Variants in F2R observed in about 807,000 individuals in gnomAD.
The protein encoded by F2R is proteinase-activated receptor 1.
A neutral mutation model predicts 18.3 loss-of-function variants in F2R; 12 were observed. The observed-to-expected ratio is 0.66, with a 90% confidence interval of 0.42 to 1.06. The LOEUF (loss-of-function observed/expected upper bound fraction) is 1.06, where lower values mean the gene tolerates loss of function less well. Among genes scored for constraint, F2R ranks in the 50% least tolerant of loss-of-function variants. The pLI, the probability that F2R is intolerant of heterozygous loss-of-function variation, is 0.00. For synonymous variants in F2R, 210 were observed against 219.9 expected (o/e 0.95, Z 0.40); for missense variants, 438 against 530.8 (o/e 0.83, Z 1.72).
chr5:76,720,806 G>A (rs570520303), intron 1 of F2R, among the ~76,000 whole-genome samples: 1 of 152,208 alleles, frequency 6.6e-6, no homozygotes, highest in African/African-American at 2.4e-5. Flanking sequence ...GTGGGTTAAA[G>A]TTGTTGTTGC....
intron 1 of F2R, 146 bp downstream of exon 1, chr5:76,716,541 CA>C: frequency 2.6e-6 from 2 of 776,056 alleles, no homozygotes; most frequent in South Asian, 3.7e-5. Flanking sequence ...GAGTTTTTTC[CA>C]GTCACGTTTA....
intron 1 of F2R, among the ~76,000 whole-genome samples, chr5:76,728,658 T>C (rs1257988792): frequency 2.0e-5 from 3 of 151,086 alleles, no homozygotes; most frequent in African/African-American, 7.3e-5. Context: ...GCAATGAACA[T>C]GAGATTGCAG....
chr5:76,716,321 G>T lies in F2R; in HGVS notation c.14G>T (p.Arg5Leu), dbSNP rs1748340957. The part of the protein sequence containing the change: MGPR[R>L]LLLVAACFSL... ...GAGCCCGGGACAATGGGGCCGCGGC[G>T]GCTGCTGCTGGTGGCCGCCTGCTTC... The change falls in exon 1 of 2, where the codon CGG becomes CTG. Residue 5 changes from arginine (R) to leucine (L), a missense_variant. Transcript: ENST00000319211. The T allele has an allele frequency of 7.1e-7, 1 of 1,417,380 alleles. No individual in the cohort carries two copies. Among genetic ancestry groups the T allele is most frequent in the Non-Finnish European group, 9.2e-7 (1 of 1,088,196 alleles). The allele number at this position is 1,417,380 out of a possible 1,614,324, so 87.8% of individuals were successfully genotyped here. A position where few individuals can be genotyped will look rare whatever the true frequency, so the allele number is the denominator to read the frequency against.
rs550098283 is a variant in F2R, at chr5:76,728,969, G to A, written c.89-3345G>A. 1.3e-3 allele frequency among the ~76,000 whole-genome samples: 205 copies of A among 152,330 alleles called. 1 individual carries two copies. The highest frequency in any genetic ancestry group is 4.5e-3 in the African/African-American group (186 of 41,572). On this transcript the variant is annotated intron_variant, in intron 1 of 1. Coordinates refer to ENST00000319211, the MANE Select transcript of F2R (RefSeq NM_001992.5). The stretch of plus-strand genomic sequence containing the variant: ...GCCTCCCAAAGTGCTGGGATTACAG[G>A]CGTGAGCCACCGTGCCCAGCCAGCA...
chr5:76,729,924 G>A (rs1231154249), intron 1 of F2R, among the ~76,000 whole-genome samples: 1 of 152,114 alleles, frequency 6.6e-6, no homozygotes, highest in Non-Finnish European at 1.5e-5. Context: ...AAAAACAGGA[G>A]TTTCCCTGCA....
At chr5:76,721,109 T>C (rs995942806) in intron 1 of F2R, among the ~76,000 whole-genome samples, 1 of 152,174 alleles carries the variant, frequency 6.6e-6, no homozygotes, top group African/African-American at 2.4e-5. Context: ...GCCCAGTCTT[T>C]AACTAGTTTT....
At chr5:76,726,952 A>T (rs554214537) in intron 1 of F2R, among the ~76,000 whole-genome samples, 46 of 152,354 alleles carry the variant, frequency 3.0e-4, no homozygotes, top group African/African-American at 1.1e-3. Flanking sequence ...AGTAAGTTAC[A>T]TGCATTGCAA....
In F2R at chr5:76,732,891, T is replaced by C. The variant is rs1748698836; in HGVS notation, c.666T>C (p.Thr222=). 1 of 1,614,190 alleles carries C rather than the reference T, an allele frequency of 6.2e-7. No homozygotes were observed. Among genetic ancestry groups the C allele is most frequent in the Admixed American group, 1.7e-5 (1 of 60,024 alleles). Reference sequence around the variant, plus strand: ...GTACTCTGGGAAGGGCTTCCTTCACTTGTCTGGCCATCTGGGCTTTGGCCA... The same window carrying C: ...GTACTCTGGGAAGGGCTTCCTTCACCTGTCTGGCCATCTGGGCTTTGGCCA... The part of the protein sequence containing the change: ...SWRTLGRASF[T]CLAIWALAIA... Residue 222 remains threonine, a synonymous_variant, in exon 2 of 2, where the codon ACT becomes ACC. Transcript: ENST00000319211.
chr5:76,733,895 C>G lies in F2R; in HGVS notation c.*392C>G, dbSNP rs1353263473. The G allele has an allele frequency of 5.8e-6, 1 of 172,472 alleles. No homozygotes were observed. Among genetic ancestry groups the G allele is most frequent in the African/African-American group, 2.4e-5 (1 of 41,684 alleles). 10.7% of individuals were successfully genotyped at this position (172,472 alleles called of 1,614,324 possible). On this transcript the variant is annotated 3_prime_UTR_variant, in exon 2 of 2. Coordinates refer to ENST00000319211, the MANE Select transcript of F2R (RefSeq NM_001992.5). ...ACCCCAGCAATTATGAAAATAATCT[C>G]TGATTCCCTGATTTAATATGCAAAG... is the stretch of plus-strand genomic sequence containing the variant.
intron 1 of F2R, among the ~76,000 whole-genome samples, chr5:76,719,110 G>T (rs756780939): frequency 6.6e-6 from 1 of 152,098 alleles, no homozygotes; most frequent in African/African-American, 2.4e-5. Context: ...TCCCATACCC[G>T]CCACGTTCAT....
At chr5:76,726,406 C>T (rs1376246356) in intron 1 of F2R, among the ~76,000 whole-genome samples, 2 of 152,236 alleles carry the variant, frequency 1.3e-5, no homozygotes, top group Non-Finnish European at 2.9e-5. Context: ...TGGCAGGCAC[C>T]TGTAGTCCCA....
chr5:76,716,727 C>G, intron 1 of F2R: 2 of 674,636 alleles, frequency 3.0e-6, no homozygotes, highest in Non-Finnish European at 2.6e-6. Flanking sequence ...CCAGGACCAC[C>G]CCCAAAAAGA....
intron 1 of F2R, among the ~76,000 whole-genome samples, chr5:76,719,029 C>T (rs1050381861): frequency 1.3e-5 from 2 of 152,160 alleles, no homozygotes; most frequent in African/African-American, 2.4e-5. Flanking sequence ...TAGATCCTCC[C>T]TTCAAGGAGC....
At chr5:76,720,124 T>A (rs1748419446) in intron 1 of F2R, among the ~76,000 whole-genome samples, 1 of 152,166 alleles carries the variant, frequency 6.6e-6, no homozygotes, top group Non-Finnish European at 1.5e-5. Context: ...TTAGTGGCTT[T>A]GCCTTTATTT....
At chr5:76,718,955 G>T (rs1010207116) in intron 1 of F2R, among the ~76,000 whole-genome samples, 9 of 151,930 alleles carry the variant, frequency 5.9e-5, no homozygotes, top group Non-Finnish European at 1.2e-4. Flanking sequence ...CTTGCAGGAG[G>T]GTCCCCAGCC....
intron 1 of F2R, among the ~76,000 whole-genome samples, chr5:76,720,225 T>C (rs1748421632): frequency 6.6e-6 from 1 of 152,062 alleles, no homozygotes; most frequent in African/African-American, 2.4e-5. Flanking sequence ...CTAGGCCAGA[T>C]GATCGCTTGA....
In F2R at chr5:76,733,617, C is replaced by A; in HGVS notation, c.*114C>A. ...TTCACCTCCTAAAACAACAGATGTA[C>A]GACTTGCATACCTGCTTTTTATGGG... On this transcript the variant is annotated 3_prime_UTR_variant, in exon 2 of 2. Transcript: ENST00000319211. 1.3e-6 allele frequency: 1 copy of A among 796,946 alleles called. No homozygotes were observed. Among genetic ancestry groups the A allele is most frequent in the Non-Finnish European group, 1.9e-6 (1 of 516,938 alleles). The allele number at this position is 796,946 out of a possible 1,614,324, so 49.4% of individuals were successfully genotyped here.
At chr5:76,731,657 G>A (rs2150583415) in intron 1 of F2R, among the ~76,000 whole-genome samples, 1 of 152,134 alleles carries the variant, frequency 6.6e-6, no homozygotes, top group South Asian at 2.1e-4. Flanking sequence ...AGGCTCCCAA[G>A]TAGCTGGGAT....
At chr5:76,720,508 T>C (rs1461011063) in intron 1 of F2R, among the ~76,000 whole-genome samples, 1 of 151,980 alleles carries the variant, frequency 6.6e-6, no homozygotes, top group African/African-American at 2.4e-5. Flanking sequence ...AATAATAAAA[T>C]TGAGGTAGAA....
Sources: gnomAD v4.1 joint callset for allele counts (sites outside exome capture counted in the v4.1 genomes callset) on GRCh38, gnomAD v4.1.1 for gene constraint, MANE v1.5 for transcripts, NCBI Gene and HGNC (gene_info 2026-07-23, HGNC 2026-07-21) for gene names.